PATJ: variants seen among roughly 807,000 people sequenced by gnomAD.
PATJ encodes PATJ crumbs cell polarity complex component.
A neutral mutation model predicts 224.9 loss-of-function variants in PATJ; 190 were observed. The ratio of observed to expected loss-of-function variants is 0.84; its 90% confidence interval spans 0.75 to 0.95. PATJ has a LOEUF of 0.95. PATJ is among the 40% of genes least tolerant of loss of function. The probability of loss-of-function intolerance (pLI) is 0.00; values close to 1 mark genes in which losing one functional copy is unlikely to be tolerated. For missense variants in PATJ, 2,121 were observed against 2,270.3 expected, an observed-to-expected ratio of 0.93 and a Z score of 1.34; for synonymous variants, 769 against 820.3, an observed-to-expected ratio of 0.94 and a Z score of 1.07.
At chr1:61,901,000 T>C (rs1407118777) in intron 23 of PATJ, among the ~76,000 whole-genome samples, 2 of 152,216 alleles carry the variant, frequency 1.3e-5, no homozygotes, top group Non-Finnish European at 2.9e-5. Flanking sequence ...TATATTATAA[T>C]AGGAGATGGG....
chr1:62,132,907 T>TA (rs929570735), intron 41 of PATJ, among the ~76,000 whole-genome samples: 173 of 145,898 alleles, frequency 1.2e-3, no homozygotes, highest in African/African-American at 3.1e-3. Flanking sequence ...GTCTCAAAAT[T>TA]AAAAAAAAAA....
chr1:61,806,184 A>G (rs1398446180), intron 13 of PATJ, among the ~76,000 whole-genome samples: 1 of 151,966 alleles, frequency 6.6e-6, no homozygotes, highest in African/African-American at 2.4e-5. Context: ...GTAATAAAAT[A>G]CTCTTTTACA....
chr1:61,978,530 G>T (rs1350369456), intron 27 of PATJ, among the ~76,000 whole-genome samples: 4 of 152,022 alleles, frequency 2.6e-5, no homozygotes, highest in Non-Finnish European at 5.9e-5. Flanking sequence ...CTCCCAAAGT[G>T]CTGGGATTAC....
intron 14 of PATJ, chr1:61,816,592 G>A (rs1344915189): frequency 6.6e-6 from 1 of 152,104 alleles, no homozygotes; most frequent in Admixed American, 6.5e-5. Flanking sequence ...TTCTAAGCTG[G>A]CATCATTCTT....
At chr1:61,921,903 AGTTTT>A (rs1674389607) in intron 26 of PATJ, among the ~76,000 whole-genome samples, 1 of 152,196 alleles carries the variant, frequency 6.6e-6, no homozygotes, top group Non-Finnish European at 1.5e-5. Flanking sequence ...AAATGTGTGC[AGTTTT>A]GTACATGTCA....
At chr1:62,036,374 A>G (rs898256759) in intron 29 of PATJ, among the ~76,000 whole-genome samples, 1 of 152,242 alleles carries the variant, frequency 6.6e-6, no homozygotes, top group East Asian at 1.9e-4. Context: ...ATAATTTTCA[A>G]GAATGACCCC....
intron 14 of PATJ, among the ~76,000 whole-genome samples, chr1:61,817,553 G>A (rs375335110): frequency 2.6e-4 from 39 of 152,254 alleles, no homozygotes; most frequent in African/African-American, 8.4e-4. Flanking sequence ...AATCCCAGCT[G>A]CTGGGGAGGT....
At chr1:62,075,376 G>C (rs1375464518) in intron 31 of PATJ, among the ~76,000 whole-genome samples, 1 of 152,198 alleles carries the variant, frequency 6.6e-6, no homozygotes, top group African/African-American at 2.4e-5. Flanking sequence ...AGCATTAATA[G>C]CTGTTATTAA....
intron 14 of PATJ, among the ~76,000 whole-genome samples, chr1:61,816,791 G>A (rs1019290420): frequency 6.6e-6 from 1 of 152,094 alleles, no homozygotes; most frequent in Non-Finnish European, 1.5e-5. Flanking sequence ...AGTGGAGAAC[G>A]TAAGACACAG....
intron 11 of PATJ, among the ~76,000 whole-genome samples, chr1:61,798,376 T>A (rs746765454): frequency 1.1e-4 from 16 of 151,924 alleles, no homozygotes; most frequent in Non-Finnish European, 2.1e-4. Context: ...TTTTATTTTT[T>A]TTGTAGAGAT....
intron 31 of PATJ, among the ~76,000 whole-genome samples, chr1:62,062,395 T>TTTTTC: frequency 9.1e-6 from 1 of 110,240 alleles, no homozygotes; most frequent in African/African-American, 2.8e-5. Context: ...TTGTCTTCTT[T>TTTTTC]TTTTTTTTTT....
chr1:62,044,041 AATATGTGTATG>A (rs1652042198), intron 30 of PATJ, among the ~76,000 whole-genome samples: 1 of 152,158 alleles, frequency 6.6e-6, no homozygotes, highest in Non-Finnish European at 1.5e-5. Context: ...GATGTTTTGA[AATATGTGTATG>A]TTGTAGAATG....
chr1:62,135,967 C>G (rs768287520), intron 41 of PATJ, among the ~76,000 whole-genome samples: 1 of 148,354 alleles, frequency 6.7e-6, no homozygotes, highest in Non-Finnish European at 1.5e-5. Context: ...GTCAGTTTGC[C>G]CTTTTCGAAT....
chr1:61,983,691 G>A (rs1384490434), intron 27 of PATJ, among the ~76,000 whole-genome samples: 2 of 152,022 alleles, frequency 1.3e-5, no homozygotes, highest in Non-Finnish European at 2.9e-5. Context: ...TCTAATATAT[G>A]CCAGACACTG....
At chr1:61,998,017 T>TTA (rs557978392) in intron 28 of PATJ, among the ~76,000 whole-genome samples, 22,781 of 124,656 alleles carry the variant, frequency 0.18, 2,418 homozygotes, top group Non-Finnish European at 0.21. Context: ...TATATATTAA[T>TTA]TATATATAAT....
At chr1:61,996,810 T>C (rs550638870) in intron 28 of PATJ, among the ~76,000 whole-genome samples, 4 of 149,736 alleles carry the variant, frequency 2.7e-5, no homozygotes, top group Non-Finnish European at 4.4e-5. Flanking sequence ...TGGCACAATC[T>C]TGGCTCACAG....
At chr1:61,917,153 G>T (rs1300923695) in intron 26 of PATJ, among the ~76,000 whole-genome samples, 4 of 152,168 alleles carry the variant, frequency 2.6e-5, no homozygotes, top group Admixed American at 2.6e-4. Context: ...CAAGTAGGGG[G>T]TTTGTTTTGG....
Position 62,084,558 on chromosome 1 carries a change from C to T in PATJ, c.4287C>T (p.Pro1429=), listed in dbSNP as rs17123051. Residue 1429 remains proline (P), a synonymous_variant, in exon 33 of 44, where the codon CCC becomes CCT. Coordinates refer to ENST00000642238, the MANE Select transcript of PATJ (RefSeq NM_001350145.3). ...TGTCAGTGGACCCCGCAACGTGTCC[C>T]ATTGTCCCTGGACAGGAAATGATTA... The part of the protein sequence containing the change: ...APLSVDPATC[P]IVPGQEMIIE... 14,328 of 1,613,314 alleles carry T rather than the reference C, an allele frequency of 8.9e-3. 464 individuals carry two copies. Among genetic ancestry groups the T allele is most frequent in the South Asian group, 0.08 (7,255 of 90,676 alleles).
rs572416783 is a variant in PATJ, at chr1:62,084,497, T to C, written c.4244-18T>C. The C allele has an allele frequency of 1.2e-6, 2 of 1,605,088 alleles. No homozygotes were observed. Among genetic ancestry groups the C allele is most frequent in the Admixed American group, 1.7e-5 (1 of 58,236 alleles). ...CAGCTCTTACATGCCAGTCATGCTG[T>C]GTTCAATTCTTTTCCAGGTGGTTTC... On this transcript the variant is annotated intron_variant, in intron 32 of 43. Coordinates refer to ENST00000642238, the MANE Select transcript of PATJ (RefSeq NM_001350145.3).
Sources: gnomAD v4.1 joint callset for allele counts (sites outside exome capture counted in the v4.1 genomes callset) on GRCh38, gnomAD v4.1.1 for gene constraint, MANE v1.5 for transcripts, NCBI Gene and HGNC (gene_info 2026-07-23, HGNC 2026-07-21) for gene names.